Variants in SVIL observed in about 807,000 individuals in gnomAD.
The protein encoded by SVIL is archvillin.
A neutral mutation model predicts 240.4 loss-of-function variants in SVIL; 101 were observed. The ratio of observed to expected loss-of-function variants is 0.42; its 90% confidence interval spans 0.36 to 0.50. SVIL has a LOEUF of 0.50. Ranked by LOEUF, SVIL falls within the 20% of genes least tolerant of loss-of-function variation. The pLI is 0.01. For missense variants in SVIL, 2,512 were observed against 2,818.7 expected (o/e 0.89, Z 2.46); for synonymous variants, 999 against 1,100.0 (o/e 0.91, Z 1.82).
At chr10:29,649,128 C>T (rs1958759100) in intron 3 of SVIL, among the ~76,000 whole-genome samples, 1 of 152,114 alleles carries the variant, frequency 6.6e-6, no homozygotes, top group South Asian at 2.1e-4. Context: ...CCACTGCACT[C>T]CAGGCTGGGT....
At chr10:29,668,052 C>A (rs1386994791) in intron 2 of SVIL, among the ~76,000 whole-genome samples, 1 of 152,120 alleles carries the variant, frequency 6.6e-6, no homozygotes, top group African/African-American at 2.4e-5. Context: ...ACTCCCAGGT[C>A]CAATTTATTC....
intron 17 of SVIL, among the ~76,000 whole-genome samples, chr10:29,506,735 G>A (rs1205892804): frequency 1.4e-5 from 2 of 146,584 alleles, no homozygotes; most frequent in South Asian, 2.2e-4. Flanking sequence ...ACGAAGGAGG[G>A]GACAGAGGCC....
chr10:29,491,870 C>A (rs796212859), intron 21 of SVIL, among the ~76,000 whole-genome samples: 2 of 152,306 alleles, frequency 1.3e-5, no homozygotes, highest in African/African-American at 4.8e-5. Context: ...GCTATGTATG[C>A]AAATACCCAA....
intron 3 of SVIL, among the ~76,000 whole-genome samples, chr10:29,556,726 C>T (rs1953964548): frequency 1.3e-5 from 2 of 152,124 alleles, no homozygotes; most frequent in Admixed American, 6.5e-5. Context: ...AATGGTGCAC[C>T]CCGCCATGCG....
chr10:29,701,785 T>C (rs542768207), intron 1 of SVIL, among the ~76,000 whole-genome samples: 2 of 152,346 alleles, frequency 1.3e-5, no homozygotes, highest in African/African-American at 4.8e-5. Flanking sequence ...AAGCTATCTT[T>C]TGTGGCTGAC....
intron 1 of SVIL, among the ~76,000 whole-genome samples, chr10:29,723,430 T>C (rs1201433359): frequency 6.6e-6 from 1 of 152,102 alleles, no homozygotes; most frequent in Non-Finnish European, 1.5e-5. Flanking sequence ...ATTTAAACTG[T>C]GATTATTCAT....
At chr10:29,562,854 A>G (rs373378737) in intron 3 of SVIL, among the ~76,000 whole-genome samples, 1 of 151,660 alleles carries the variant, frequency 6.6e-6, no homozygotes, top group South Asian at 2.1e-4. Context: ...ACAGAGAAGA[A>G]ATGGGGGTAT....
intron 16 of SVIL, among the ~76,000 whole-genome samples, chr10:29,514,926 G>T (rs540477422): frequency 2.6e-5 from 4 of 152,128 alleles, no homozygotes. Flanking sequence ...ACAAGAATCC[G>T]GCGACATCTA....
intron 2 of SVIL, among the ~76,000 whole-genome samples, chr10:29,684,888 A>G (rs1397928885): frequency 6.6e-6 from 1 of 152,138 alleles, no homozygotes; most frequent in Non-Finnish European, 1.5e-5. Context: ...TTGGTATCTT[A>G]CTGTTCTGTC....
chr10:29,490,355 A>G (rs529444247), intron 22 of SVIL, among the ~76,000 whole-genome samples: 2 of 152,240 alleles, frequency 1.3e-5, no homozygotes, highest in East Asian at 3.9e-4. Flanking sequence ...TAAATGAAGA[A>G]TGATTGTGTG....
intron 2 of SVIL, among the ~76,000 whole-genome samples, chr10:29,679,934 G>A (rs1472236905): frequency 6.6e-6 from 1 of 151,156 alleles, no homozygotes; most frequent in African/African-American, 2.4e-5. Context: ...TGTAATCCCA[G>A]CACTTTGGGA....
intron 3 of SVIL, among the ~76,000 whole-genome samples, chr10:29,644,146 A>G (rs773481511): frequency 6.6e-6 from 1 of 152,036 alleles, no homozygotes; most frequent in Non-Finnish European, 1.5e-5. Context: ...CTGCTGCTCA[A>G]ATGGGGACAT....
intron 2 of SVIL, among the ~76,000 whole-genome samples, chr10:29,668,387 A>G (rs1959495504): frequency 6.6e-6 from 1 of 152,190 alleles, no homozygotes; most frequent in Admixed American, 6.5e-5. Flanking sequence ...TCACTGAAAT[A>G]CTCAGCTACT....
At chr10:29,465,410 T>C (rs1341093792) in intron 34 of SVIL, among the ~76,000 whole-genome samples, 185 bp downstream of exon 34, 4 of 152,188 alleles carry the variant, frequency 2.6e-5, no homozygotes, top group Non-Finnish European at 5.9e-5. Flanking sequence ...AAAGTGTGGC[T>C]GATTTCACTC....
chr10:29,563,519 G>C (rs1954696397), intron 2 of SVIL, among the ~76,000 whole-genome samples: 1 of 152,144 alleles, frequency 6.6e-6, no homozygotes, highest in Non-Finnish European at 1.5e-5. Flanking sequence ...GGATTGGCGG[G>C]TGGCGTGGTG....
intron 1 of SVIL, among the ~76,000 whole-genome samples, chr10:29,591,588 A>C (rs1956391743): frequency 6.6e-6 from 1 of 152,200 alleles, no homozygotes; most frequent in Non-Finnish European, 1.5e-5. Context: ...TTTACTCAGA[A>C]TCTCACCTCT....
intron 1 of SVIL, among the ~76,000 whole-genome samples, chr10:29,717,157 C>G (rs889164549): frequency 1.4e-5 from 2 of 139,954 alleles, no homozygotes; most frequent in East Asian, 2.2e-4. Context: ...GGCGTGAACC[C>G]GGGAGGCGGA....
chr10:29,582,389 T>C (rs1441496159), intron 1 of SVIL, among the ~76,000 whole-genome samples: 4 of 152,118 alleles, frequency 2.6e-5, no homozygotes, highest in African/African-American at 7.2e-5. Context: ...TTCTGACCTG[T>C]TCAAAGCCCC....
At chr10:29,733,496 G>T (rs1048865439) in intron 1 of SVIL, among the ~76,000 whole-genome samples, 1 of 152,062 alleles carries the variant, frequency 6.6e-6, no homozygotes, top group African/African-American at 2.4e-5. Context: ...GTAGAAACAG[G>T]GTCTCACTAT....
Sources: gnomAD v4.1 joint callset for allele counts (sites outside exome capture counted in the v4.1 genomes callset) on GRCh38, gnomAD v4.1.1 for gene constraint, MANE v1.5 for transcripts, NCBI Gene and HGNC (gene_info 2026-07-23, HGNC 2026-07-21) for gene names.